Variants in NRK observed in about 807,000 individuals in gnomAD.
NRK encodes the protein Nik related kinase.
NRK carries 67 observed loss-of-function variants against 125.2 expected under a neutral mutation model. The ratio of observed to expected loss-of-function variants is 0.54; its 90% confidence interval spans 0.44 to 0.66. The LOEUF (loss-of-function observed/expected upper bound fraction) is 0.66. Ranked by LOEUF, NRK falls within the 30% of genes least tolerant of loss-of-function variation. NRK has a pLI of 0.00. For synonymous variants in NRK, 458 were observed against 429.0 expected (o/e 1.07, Z -0.84); for missense variants, 1,224 against 1,192.9 (o/e 1.03, Z -0.38).
At chrX:105,904,716 T>A (rs768528767) in intron 9 of NRK, among the ~76,000 whole-genome samples, 1 of 111,554 alleles carries the variant, frequency 9.0e-6, no homozygotes, top group East Asian at 2.8e-4. Flanking sequence ...AAGGTAGAGC[T>A]AGGTTTGAAC....
intron 23 of NRK, among the ~76,000 whole-genome samples, chrX:105,940,326 A>G (rs953914031): frequency 9.1e-6 from 1 of 110,123 alleles, no homozygotes; most frequent in African/African-American, 3.3e-5. Flanking sequence ...TTACCTCCTC[A>G]CCTTACTTTC....
chrX:105,950,287 C>A (rs761343734), intron 27 of NRK, among the ~76,000 whole-genome samples: 3 of 110,970 alleles, frequency 2.7e-5, no homozygotes, highest in Non-Finnish European at 5.7e-5. Context: ...TGCCTTTTCA[C>A]CTTCATCAAA....
At position 105,943,902 on chromosome X, in the gene NRK, A is replaced by ACT. The variant is rs1310486160; in HGVS notation, c.3959-38_3959-37dup. ...TACAAATACTTGAGTGTTCTTGTTA[A>ACT]CTGTGGCATCGTTACTTTTTTGTGT... On this transcript the variant is annotated intron_variant, in intron 23 of 28. Coordinates refer to ENST00000243300, the MANE Select transcript of NRK (RefSeq NM_198465.4). 4.1e-5 allele frequency: 28 copies of ACT among 679,105 alleles called. 1 individual carries two copies. Among genetic ancestry groups the ACT allele is most frequent in the African/African-American group, 1.5e-4 (7 of 46,275 alleles). 56.0% of individuals were successfully genotyped at this position (679,105 alleles called of 1,213,427 possible).
In NRK at chrX:105,955,597, C is replaced by G. The variant is rs1401674919; in HGVS notation, c.4746C>G (p.Val1582=). The change falls in exon 29 of 29, where the codon GTC becomes GTG. Residue 1582 remains valine, a synonymous_variant. Transcript: ENST00000243300. ...AAGAGCTCCAAAGCAATTATGATGT[C>G]TAAAAGTTTCCAGTGATTTATTACC... The part of the protein sequence containing the change: ...KLEELQSNYD[V] 1.8e-6 allele frequency: 2 copies of G among 1,085,251 alleles called. No individual in the cohort carries two copies. Among genetic ancestry groups the G allele is most frequent in the African/African-American group, 1.8e-5 (1 of 54,812 alleles). 89.4% of individuals were successfully genotyped at this position (1,085,251 alleles called of 1,213,427 possible).
At chrX:105,869,654 G>C (rs1237594366) in intron 2 of NRK, among the ~76,000 whole-genome samples, 1 of 111,322 alleles carries the variant, frequency 9.0e-6, no homozygotes, top group Non-Finnish European at 1.9e-5. Flanking sequence ...TTATATTAAG[G>C]GCTGTTGTGT....
intron 28 of NRK, among the ~76,000 whole-genome samples, chrX:105,954,245 G>T (rs2040943273): frequency 1.8e-5 from 2 of 110,693 alleles, no homozygotes; most frequent in Admixed American, 1.9e-4. Context: ...TTATTATGAG[G>T]TAAAATACTT....
At chrX:105,925,317 T>G (rs2040509158) in intron 19 of NRK, among the ~76,000 whole-genome samples, 1 of 111,304 alleles carries the variant, frequency 9.0e-6, no homozygotes, top group African/African-American at 3.3e-5. Flanking sequence ...TTTTAAAAAA[T>G]TAATTGACAC....
intron 2 of NRK, among the ~76,000 whole-genome samples, chrX:105,843,453 T>C (rs758745015): frequency 2.3e-4 from 26 of 112,313 alleles, no homozygotes; most frequent in Non-Finnish European, 3.9e-4. Flanking sequence ...GACTGAGTAA[T>C]GACACCCTGT....
intron 5 of NRK, 146 bp downstream of exon 5, chrX:105,888,565 C>G (rs940172657): frequency 2.0e-6 from 1 of 490,131 alleles, no homozygotes; most frequent in African/African-American, 2.5e-5. Context: ...TCTGGTCTCA[C>G]AATGCTATTA....
intron 2 of NRK, among the ~76,000 whole-genome samples, chrX:105,853,282 A>T (rs2039494726): frequency 1.8e-5 from 2 of 111,863 alleles, no homozygotes; most frequent in Non-Finnish European, 3.8e-5. Context: ...TGGTTGGGGG[A>T]GCAGGCAATC....
intron 1 of NRK, among the ~76,000 whole-genome samples, chrX:105,825,493 C>T (rs1410109120): frequency 8.9e-6 from 1 of 112,196 alleles, no homozygotes; most frequent in Non-Finnish European, 1.9e-5. Context: ...TACATTATGT[C>T]CTTTGCAGGC....
At chrX:105,827,866 G>C (rs776139280) in intron 1 of NRK, among the ~76,000 whole-genome samples, 1 of 111,731 alleles carries the variant, frequency 9.0e-6, no homozygotes. Flanking sequence ...TCTCCAAATT[G>C]GTATAGCAGT....
In NRK at chrX:105,945,949, A is replaced by G. The variant is rs1170916366; in HGVS notation, c.4137A>G (p.Ile1379Met). ...YQAYIRILAK[I>M]QAADPVNRFK... Reference sequence around the variant, plus strand: ...CCTATATACGAATACTGGCAAAAATACAGGCAGCTGATCCAGTGAACCGGT... The same window carrying G: ...CCTATATACGAATACTGGCAAAAATGCAGGCAGCTGATCCAGTGAACCGGT... The change falls in exon 25 of 29, where the codon ATA (isoleucine) becomes ATG (methionine). Residue 1379 changes from isoleucine to methionine, a missense_variant. Coordinates refer to ENST00000243300, the MANE Select transcript of NRK (RefSeq NM_198465.4). 1 of 1,210,093 alleles carries G rather than the reference A, an allele frequency of 8.3e-7. No individual in the cohort carries two copies.
At chrX:105,933,614 C>T (rs1329713671) in intron 19 of NRK, among the ~76,000 whole-genome samples, 1 of 112,190 alleles carries the variant, frequency 8.9e-6, no homozygotes, top group Admixed American at 9.4e-5. Flanking sequence ...TGCATGTTTA[C>T]GCTCTTGGAT....
At chrX:105,952,324 C>A (rs1289524366) in intron 27 of NRK, among the ~76,000 whole-genome samples, 1 of 111,813 alleles carries the variant, frequency 8.9e-6, no homozygotes, top group African/African-American at 3.2e-5. Context: ...AATAATAGTG[C>A]TGTTCCTTGT....
chrX:105,917,258 G>C lies in NRK; in HGVS notation c.2418-320G>C, dbSNP rs1054792818. 8.1e-5 allele frequency among the ~76,000 whole-genome samples: 9 copies of C among 110,746 alleles called. No individual in the cohort carries two copies. The Admixed American group carries it at 8.7e-4, about 11-fold the overall frequency. On this transcript the variant is annotated intron_variant, in intron 15 of 28. Coordinates refer to ENST00000243300, the MANE Select transcript of NRK (RefSeq NM_198465.4). ...ACACTATAAGGTTATGTTTATTGCT[G>C]TGTTACTCAGGTAAAATATTGTCTG...
Position 105,909,222 on chromosome X carries a change from C to T in NRK, c.1581C>T (p.Pro527=), listed in dbSNP as rs772922917. The part of the protein sequence containing the change: ...PEEFQGQDQV[P]EQQRQGQAPE... ...AATTTCAGGGTCAAGATCAGGTACC[C>T]GAACAACAAAGGCAGGGCCAGGCCC... The change falls in exon 13 of 29, where the codon CCC becomes CCT. Residue 527 remains proline (P), a synonymous_variant. Transcript: ENST00000243300. 6.4e-5 allele frequency: 77 copies of T among 1,207,587 alleles called. No individual in the cohort carries two copies. The highest frequency in any genetic ancestry group is 1.5e-4 in the East Asian group (5 of 33,551).
At chrX:105,886,577 C>G (rs1005910927) in intron 4 of NRK, among the ~76,000 whole-genome samples, 2 of 103,761 alleles carry the variant, frequency 1.9e-5, no homozygotes, top group African/African-American at 3.5e-5. Flanking sequence ...GCATTTATCT[C>G]TGTCATAGCT....
rs1401905112 is a variant in NRK, at chrX:105,957,750, G to A, written c.*2150G>A. ...TGGGCACATGTCAAAAAGGGAGATCGAAATGTTAGGTAATCATTTAGAAAG... is the reference window on the plus strand; with the variant it reads ...TGGGCACATGTCAAAAAGGGAGATCAAAATGTTAGGTAATCATTTAGAAAG... On this transcript the variant is annotated 3_prime_UTR_variant, in exon 29 of 29. Coordinates refer to ENST00000243300, the MANE Select transcript of NRK (RefSeq NM_198465.4). 2 of 112,057 alleles carry A rather than the reference G, an allele frequency of 1.8e-5. No homozygotes were observed. The highest frequency in any genetic ancestry group is 3.8e-5 in the Non-Finnish European group (2 of 53,212). 9.2% of individuals were successfully genotyped at this position (112,057 alleles called of 1,213,427 possible). A position where few individuals can be genotyped will look rare whatever the true frequency, so the allele number is the denominator to read the frequency against.
Sources: gnomAD v4.1 joint callset for allele counts (sites outside exome capture counted in the v4.1 genomes callset) on GRCh38, gnomAD v4.1.1 for gene constraint, MANE v1.5 for transcripts, NCBI Gene and HGNC (gene_info 2026-07-23, HGNC 2026-07-21) for gene names.